Variants in KANK1 observed in about 807,000 individuals in gnomAD.
KANK1 encodes KN motif and ankyrin repeat domains 1.
In KANK1, 109 loss-of-function variants were observed where a neutral mutation model predicts 106.2. The observed-to-expected ratio is 1.03, with a 90% CI of 0.88 to 1.20. The LOEUF (loss-of-function observed/expected upper bound fraction) is 1.20. KANK1 is among the 50% of genes most tolerant of loss of function. The probability of loss-of-function intolerance (pLI) is 0.00; values close to 1 mark genes in which losing one functional copy is unlikely to be tolerated. For missense variants in KANK1, 2,399 were observed against 1,710.7 expected (o/e 1.40, Z -7.10); for synonymous variants, 873 against 652.2 (o/e 1.34, Z -5.16).
intron 1 of KANK1, among the ~76,000 whole-genome samples, chr9:521,113 T>A (rs2059528699): frequency 6.6e-6 from 1 of 151,800 alleles, no homozygotes; most frequent in South Asian, 2.1e-4. Flanking sequence ...GAAATTTCTG[T>A]CTTATATAAA....
At chr9:577,542 A>G (rs945254922) in intron 1 of KANK1, among the ~76,000 whole-genome samples, 1 of 152,254 alleles carries the variant, frequency 6.6e-6, no homozygotes, top group East Asian at 1.9e-4. Context: ...TCCGCACCCG[A>G]CCCAGAAGCT....
At chr9:620,713 T>A (rs545203811) in intron 1 of KANK1, among the ~76,000 whole-genome samples, 18 of 152,228 alleles carry the variant, frequency 1.2e-4, no homozygotes, top group South Asian at 4.2e-4. Context: ...ATTAAAAAAA[T>A]TTTTAAAAAC....
intron 1 of KANK1, among the ~76,000 whole-genome samples, chr9:604,717 C>G (rs1027675988): frequency 2.0e-5 from 3 of 151,718 alleles, no homozygotes; most frequent in Non-Finnish European, 2.9e-5. Context: ...GTAATCTCAG[C>G]TGTTCGGGAA....
At chr9:520,942 A>G (rs1940824644) in intron 1 of KANK1, among the ~76,000 whole-genome samples, 1 of 151,690 alleles carries the variant, frequency 6.6e-6, no homozygotes, top group Admixed American at 6.6e-5. Context: ...GCCTGATTTA[A>G]TATGGTTTTG....
At chr9:677,213 A>G (rs938323731) in intron 2 of KANK1, among the ~76,000 whole-genome samples, 4 of 152,232 alleles carry the variant, frequency 2.6e-5, no homozygotes, top group Non-Finnish European at 5.9e-5. Context: ...ACTGAAATCA[A>G]TTGAGTAAAT....
intron 1 of KANK1, among the ~76,000 whole-genome samples, chr9:514,165 TC>T (rs2059165499): frequency 4.7e-5 from 3 of 64,416 alleles, no homozygotes; most frequent in Admixed American, 1.8e-4. Context: ...CCTCCCTTCC[TC>T]TCTCCCTCCC....
intron 1 of KANK1, among the ~76,000 whole-genome samples, chr9:659,367 G>A (rs1381433838): frequency 1.3e-5 from 2 of 152,098 alleles, no homozygotes; most frequent in Non-Finnish European, 2.9e-5. Context: ...TCACCTAGCG[G>A]GTTATCAAAA....
chr9:601,898 A>T (rs1165996527), intron 1 of KANK1, among the ~76,000 whole-genome samples: 3 of 151,824 alleles, frequency 2.0e-5, no homozygotes, highest in Non-Finnish European at 4.4e-5. Context: ...TTTAGAAACC[A>T]ATATCTGAGT....
intron 1 of KANK1, among the ~76,000 whole-genome samples, chr9:667,889 ACC>A (rs1845022265): frequency 6.6e-6 from 1 of 151,434 alleles, no homozygotes; most frequent in Non-Finnish European, 1.5e-5. Flanking sequence ...ACACCACCAC[ACC>A]CAGCTAATTT....
rs532570893 is a variant in KANK1 at position 585,863 on chromosome 9, TAAAG to T, written c.-84+81110_-84+81113del. On this transcript the variant is annotated intron_variant, in intron 1 of 11. Coordinates refer to ENST00000382297, the MANE Select transcript of KANK1 (RefSeq NM_015158.5). ...TGAATAGAAGACGTTTATTGGAAAT[TAAAG>T]GAAGATAAAGTAGTGATAGATAATG... Among the ~76,000 whole-genome samples the T allele has an allele frequency of 2.3e-3, 354 of 152,194 alleles. 1 individual carries two copies. Among genetic ancestry groups the T allele is most frequent in the Non-Finnish European group, 3.9e-3 (263 of 67,978 alleles).
chr9:551,686 C>T (rs1168576326), intron 1 of KANK1, among the ~76,000 whole-genome samples: 3 of 152,048 alleles, frequency 2.0e-5, no homozygotes, highest in Non-Finnish European at 4.4e-5. Context: ...ACACAGCTTG[C>T]AGTTTAGTAG....
At chr9:525,350 C>CGT (rs35296364) in intron 1 of KANK1, among the ~76,000 whole-genome samples, 35,953 of 140,354 alleles carry the variant, frequency 0.26, 4,704 homozygotes, top group East Asian at 0.35. Flanking sequence ...TGTATACATA[C>CGT]GTGTGTGTGT....
intron 1 of KANK1, among the ~76,000 whole-genome samples, chr9:657,196 G>A (rs1842340656): frequency 6.6e-6 from 1 of 152,194 alleles, no homozygotes; most frequent in South Asian, 2.1e-4. Flanking sequence ...TGTAGCATGT[G>A]ATAGAATTTC....
intron 2 of KANK1, chr9:706,869 T>G: frequency 1.0e-6 from 1 of 985,450 alleles, no homozygotes; most frequent in Non-Finnish European, 1.2e-6. Context: ...GACTCTTTCA[T>G]GAAGCAGTGA....
intron 11 of KANK1, 73 bp from the exon 12 acceptor site, chr9:745,100 C>A (rs1373304317): frequency 1.3e-6 from 2 of 1,573,654 alleles, no homozygotes; most frequent in Non-Finnish European, 1.7e-6. Flanking sequence ...GGGCCAAGAT[C>A]CTATGTCACA....
At chr9:663,287 C>T (rs1239187595) in intron 1 of KANK1, among the ~76,000 whole-genome samples, 2 of 152,166 alleles carry the variant, frequency 1.3e-5, no homozygotes, top group African/African-American at 2.4e-5. Context: ...GGTAAAAGCA[C>T]TGATGTTTTA....
chr9:520,118 G>A (rs1055496274), intron 1 of KANK1, among the ~76,000 whole-genome samples: 5 of 151,602 alleles, frequency 3.3e-5, no homozygotes, highest in African/African-American at 9.8e-5. Flanking sequence ...TGGATAGATC[G>A]CTTGAGCCCA....
chr9:477,017 A>G, intron 3 of KANK1, among the ~76,000 whole-genome samples: 1 of 152,202 alleles, frequency 6.6e-6, no homozygotes, highest in Non-Finnish European at 1.5e-5. Context: ...AACATCTACA[A>G]GTTTATGGTA....
In KANK1 at chr9:675,312, A is replaced by G. The variant is rs578154264; in HGVS notation, c.-83-1578A>G. Among the ~76,000 whole-genome samples, 6 of 152,292 alleles carry G rather than the reference A, an allele frequency of 3.9e-5. No individual in the cohort carries two copies. In the South Asian group the frequency reaches 8.3e-4, roughly 21 times the overall value. On this transcript the variant is annotated intron_variant, in intron 1 of 11. Coordinates refer to ENST00000382297, the MANE Select transcript of KANK1 (RefSeq NM_015158.5). The stretch of plus-strand genomic sequence containing the variant: ...TTTGGCATTCTGTTGTTAAGAGGTC[A>G]TGTGGGTTTCTGAATTGACACTTTA...
Sources: allele counts gnomAD v4.1 joint callset (sites outside exome capture counted in the v4.1 genomes callset), GRCh38; gene constraint gnomAD v4.1.1; transcripts MANE v1.5; gene names NCBI Gene and HGNC (gene_info 2026-07-23, HGNC 2026-07-21).